The following CHRDL1 variants were observed in gnomAD, a reference collection of about 807,000 sequenced individuals.
CHRDL1 encodes chordin like 1, also known as chordin-like protein 1.
A neutral mutation model predicts 40.9 loss-of-function variants in CHRDL1; 19 were observed. The observed-to-expected ratio is 0.46, with a 90% CI of 0.32 to 0.68. The LOEUF is 0.68. Ranked by LOEUF, CHRDL1 falls within the 30% of genes least tolerant of loss-of-function variation. The probability of loss-of-function intolerance (pLI) is 0.03; values close to 1 mark genes in which losing one functional copy is unlikely to be tolerated. For synonymous variants in CHRDL1, 136 were observed against 123.4 expected, an observed-to-expected ratio of 1.10 and a Z score of -0.68; for missense variants, 329 against 352.1, an observed-to-expected ratio of 0.93 and a Z score of 0.53.
intron 4 of CHRDL1, among the ~76,000 whole-genome samples, chrX:110,738,081 C>T (rs1461771857): frequency 8.9e-6 from 1 of 112,115 alleles, no homozygotes; most frequent in Non-Finnish European, 1.9e-5. Context: ...ATAATAGATA[C>T]AAATCATCTA....
rs2070784126 is a variant in CHRDL1, at chrX:110,713,634, TA to T, written c.541+6200del. ...AACTCTGAAGCCAGACTGACCAGGT[TA>T]AAATTCTAGCTCTGCCACTTACTAC... On this transcript the variant is annotated intron_variant, in intron 6 of 11. Coordinates refer to ENST00000372042, the MANE Select transcript of CHRDL1 (RefSeq NM_001143981.2). Among the ~76,000 whole-genome samples the T allele has an allele frequency of 3.6e-5, 4 of 112,253 alleles. No individual in the cohort carries two copies. The South Asian group carries it at 1.5e-3, about 42-fold the overall frequency.
rs753447454 is a variant in CHRDL1, at chrX:110,689,815, A to C, written c.779-1012T>G. ...TCTATACATCTATATATCTATATAT[A>C]TCTATATATCTATATATCTATATAT... On this transcript the variant is annotated intron_variant, in intron 8 of 11. Coordinates refer to ENST00000372042, the MANE Select transcript of CHRDL1 (RefSeq NM_001143981.2). 1.4e-3 allele frequency among the ~76,000 whole-genome samples: 103 copies of C among 73,271 alleles called. 1 individual carries two copies. Among genetic ancestry groups the C allele is most frequent in the Non-Finnish European group, 2.0e-3 (89 of 43,724 alleles). The allele number at this position is 73,271 out of a possible 115,157, so 63.6% of individuals were successfully genotyped here.
intron 2 of CHRDL1, among the ~76,000 whole-genome samples, chrX:110,784,240 T>C: frequency 8.9e-6 from 1 of 111,976 alleles, no homozygotes; most frequent in East Asian, 2.8e-4. Context: ...TTGAAGACTC[T>C]GTTTCATGTT....
chrX:110,681,512 C>T lies in CHRDL1; in HGVS notation c.1126G>A (p.Val376Ile), dbSNP rs2069895787. The T allele has an allele frequency of 8.3e-7, 1 of 1,207,422 alleles. No individual in the cohort carries two copies. Among genetic ancestry groups the T allele is most frequent in the African/African-American group, 1.8e-5 (1 of 57,028 alleles). The stretch of plus-strand genomic sequence containing the variant: ...CGAATAGTCCAAACGTGGACCTCTA[C>T]CTGAGGTGGTCTCTCAGTCTCCAGT... ...IALETERPPQ[V>I]EVHVWTIRKG... Residue 376 changes from valine (V) to isoleucine (I), a missense_variant, in exon 10 of 12, where the codon GTA (valine) becomes ATA (isoleucine). Transcript: ENST00000372042.
intron 11 of CHRDL1, among the ~76,000 whole-genome samples, chrX:110,677,025 C>A (rs1290070269): frequency 1.8e-5 from 2 of 111,099 alleles, no homozygotes; most frequent in Admixed American, 9.6e-5. Flanking sequence ...GCCCTTCCAT[C>A]CCCTGTTGTC....
intron 2 of CHRDL1, among the ~76,000 whole-genome samples, chrX:110,788,260 A>G (rs770534681): frequency 8.9e-6 from 1 of 112,178 alleles, no homozygotes; most frequent in East Asian, 2.8e-4. Flanking sequence ...AATTGTAACT[A>G]TGGCTAATTA....
At chrX:110,738,070 A>G (rs748893206) in intron 4 of CHRDL1, among the ~76,000 whole-genome samples, 2 of 112,313 alleles carry the variant, frequency 1.8e-5, no homozygotes, top group Admixed American at 9.4e-5. Flanking sequence ...GACTAGAAAA[A>G]ATAATAGATA....
intron 4 of CHRDL1, among the ~76,000 whole-genome samples, chrX:110,728,039 T>A (rs1307665311): frequency 9.0e-6 from 1 of 111,512 alleles, no homozygotes; most frequent in African/African-American, 3.2e-5. Flanking sequence ...CAGAAAGATA[T>A]ATTATTAAAT....
intron 2 of CHRDL1, among the ~76,000 whole-genome samples, chrX:110,775,336 T>C (rs1025593548): frequency 1.8e-5 from 2 of 111,274 alleles, no homozygotes; most frequent in Non-Finnish European, 3.8e-5. Flanking sequence ...ATAAAACCAC[T>C]AAAAAAATAA....
intron 4 of CHRDL1, among the ~76,000 whole-genome samples, chrX:110,752,022 A>G (rs1391070390): frequency 1.8e-5 from 2 of 112,494 alleles, no homozygotes; most frequent in African/African-American, 6.5e-5. Context: ...AGTCAGGAAC[A>G]GTAAGATAAA....
intron 8 of CHRDL1, among the ~76,000 whole-genome samples, chrX:110,692,652 T>C (rs1398206655): frequency 1.8e-5 from 2 of 112,633 alleles, no homozygotes; most frequent in Non-Finnish European, 3.7e-5. Context: ...TTCATAAGCT[T>C]TTATCAGAAA....
At chrX:110,719,132 T>G (rs2070898046) in intron 6 of CHRDL1, among the ~76,000 whole-genome samples, 1 of 110,585 alleles carries the variant, frequency 9.0e-6, no homozygotes, top group South Asian at 3.9e-4. Context: ...AAGGACAAAA[T>G]AAGGATATTG....
At position 110,697,814 on chromosome X, in the gene CHRDL1, C is replaced by CCACACACA. The variant is rs60454872; in HGVS notation, c.609+2832_609+2839dup. The stretch of plus-strand genomic sequence containing the variant: ...CTTCCTCCCCACATACCACACCACT[C>CCACACACA]CACACACACACACACACACACACAC... On this transcript the variant is annotated intron_variant, in intron 7 of 11. Transcript: ENST00000372042. Among the ~76,000 whole-genome samples the CCACACACA allele has an allele frequency of 2.2e-4, 12 of 55,134 alleles. No individual in the cohort carries two copies. In the East Asian group the frequency reaches 6.4e-3, roughly 29 times the overall value. The allele number at this position is 55,134 out of a possible 115,157, so 47.9% of individuals were successfully genotyped here. A position where few individuals can be genotyped will look rare whatever the true frequency, so the allele number is the denominator to read the frequency against.
chrX:110,693,901 C>A (rs2070330373), intron 8 of CHRDL1, among the ~76,000 whole-genome samples: 1 of 111,378 alleles, frequency 9.0e-6, no homozygotes, highest in Non-Finnish European at 1.9e-5. Flanking sequence ...TCCCAAATGA[C>A]CTACAATCCC....
At position 110,721,364 on chromosome X, in the gene CHRDL1, T is replaced by C. The variant is rs755280742; in HGVS notation, c.447+21A>G. 16 of 1,201,704 alleles carry C rather than the reference T, an allele frequency of 1.3e-5. No individual in the cohort carries two copies. The South Asian group carries it at 2.7e-4, about 20-fold the overall frequency. ...GTATTTGAGTAGGGCCTAGCAGGAA[T>C]GTTAAGATGTAGGGTCTTACCGAAC... is the stretch of plus-strand genomic sequence containing the variant. On this transcript the variant is annotated intron_variant, in intron 5 of 11. Coordinates refer to ENST00000372042, the MANE Select transcript of CHRDL1 (RefSeq NM_001143981.2).
At chrX:110,712,389 T>C (rs762424226) in intron 6 of CHRDL1, among the ~76,000 whole-genome samples, 38 of 111,006 alleles carry the variant, frequency 3.4e-4, no homozygotes, top group African/African-American at 7.5e-4. Context: ...GGAAGAAACA[T>C]AGCATGTAAC....
At chrX:110,725,809 T>C (rs2071045571) in intron 4 of CHRDL1, among the ~76,000 whole-genome samples, 1 of 112,137 alleles carries the variant, frequency 8.9e-6, no homozygotes, top group South Asian at 3.8e-4. Context: ...CTTTGGTTCC[T>C]ACTTTTCTTC....
intron 10 of CHRDL1, among the ~76,000 whole-genome samples, chrX:110,680,113 CCT>C (rs2069862492): frequency 8.9e-6 from 1 of 111,779 alleles, no homozygotes; most frequent in Non-Finnish European, 1.9e-5. Flanking sequence ...GTAGATTAAG[CCT>C]CTTTTTCTGT....
rs372388269 is a variant in CHRDL1 at position 110,750,783 on chromosome X, C to A, written c.301+8878G>T. Among the ~76,000 whole-genome samples the A allele has an allele frequency of 8.8e-4, 98 of 111,829 alleles. 2 individuals carry two copies. The highest frequency in any genetic ancestry group is 3.2e-3 in the African/African-American group (98 of 30,742). On this transcript the variant is annotated intron_variant, in intron 4 of 11. Transcript: ENST00000372042. ...TGTGGAAGATGGCAGAAGAGGCAGC[C>A]TTTGGGTGGGAGCTCTGGGAAAGCA... is the stretch of plus-strand genomic sequence containing the variant.
Sources: allele counts gnomAD v4.1 joint callset (sites outside exome capture counted in the v4.1 genomes callset), GRCh38; gene constraint gnomAD v4.1.1; transcripts MANE v1.5; gene names NCBI Gene and HGNC (gene_info 2026-07-23, HGNC 2026-07-21).